The following MDGA2 variants were observed in gnomAD, a reference collection of about 807,000 sequenced individuals.
MDGA2 encodes MAM domain containing glycosylphosphatidylinositol anchor 2.
Under a neutral mutation model 117.8 loss-of-function variants are expected in MDGA2, and 40 were observed. The observed-to-expected ratio is 0.34, with a 90% CI of 0.26 to 0.44. MDGA2 has a LOEUF of 0.44. MDGA2 is among the 20% of genes least tolerant of loss of function. The pLI, the probability that MDGA2 is intolerant of heterozygous loss-of-function variation, is 1.00. For synonymous variants in MDGA2, 452 were observed against 439.0 expected (o/e 1.03, Z -0.37); for missense variants, 1,123 against 1,250.6 (o/e 0.90, Z 1.54).
At chr14:47,168,722 A>G (rs1180979280) in intron 3 of MDGA2, among the ~76,000 whole-genome samples, 2 of 152,100 alleles carry the variant, frequency 1.3e-5, no homozygotes, top group African/African-American at 4.8e-5. Context: ...AACTGCCTCA[A>G]AGTCAAATTA....
chr14:47,127,259 T>C (rs1350833512), intron 5 of MDGA2, among the ~76,000 whole-genome samples: 1 of 152,154 alleles, frequency 6.6e-6, no homozygotes, highest in African/African-American at 2.4e-5. Context: ...ACATTGATTA[T>C]AGCAATGGTA....
chr14:47,299,989 C>T (rs983436221), intron 2 of MDGA2, among the ~76,000 whole-genome samples: 3 of 152,118 alleles, frequency 2.0e-5, no homozygotes, highest in Non-Finnish European at 4.4e-5. Flanking sequence ...TTTTATTAAA[C>T]ATATTTTACC....
intron 8 of MDGA2, among the ~76,000 whole-genome samples, chr14:46,972,535 T>C (rs1478879457): frequency 6.6e-6 from 1 of 152,176 alleles, no homozygotes; most frequent in Admixed American, 6.6e-5. Flanking sequence ...GTGTAAAGTA[T>C]TATCACTATC....
intron 9 of MDGA2, among the ~76,000 whole-genome samples, chr14:46,953,446 G>A (rs1885442384): frequency 6.6e-6 from 1 of 151,950 alleles, no homozygotes; most frequent in East Asian, 1.9e-4. Context: ...CTGGAAGTTA[G>A]AAGGGCATTC....
chr14:47,532,990 G>C (rs1156569614), intron 1 of MDGA2, among the ~76,000 whole-genome samples: 1 of 152,170 alleles, frequency 6.6e-6, no homozygotes, highest in Non-Finnish European at 1.5e-5. Context: ...ATCAGCCCTA[G>C]TTCTCCAATC....
At chr14:47,485,150 T>C (rs529027623) in intron 1 of MDGA2, among the ~76,000 whole-genome samples, 1 of 152,246 alleles carries the variant, frequency 6.6e-6, no homozygotes, top group Admixed American at 6.5e-5. Flanking sequence ...CAGAGACTTG[T>C]TGAATGGCTT....
chr14:47,219,971 T>C (rs1221229030), intron 2 of MDGA2, among the ~76,000 whole-genome samples: 1 of 152,110 alleles, frequency 6.6e-6, no homozygotes, highest in African/African-American at 2.4e-5. Context: ...TTATTTATAC[T>C]TAATTTACTT....
At chr14:46,943,031 TC>T (rs926515903) in intron 9 of MDGA2, among the ~76,000 whole-genome samples, 1 of 152,096 alleles carries the variant, frequency 6.6e-6, no homozygotes, top group African/African-American at 2.4e-5. Context: ...AGTGTGTTAC[TC>T]CTTGTAGTAT....
rs138867271 is a variant in MDGA2, at chr14:47,210,895, A to T, written c.595+7126T>A. Among the ~76,000 whole-genome samples the T allele has an allele frequency of 5.7e-3, 864 of 152,264 alleles. 5 individuals are homozygous for T. Among genetic ancestry groups the T allele is most frequent in the Non-Finnish European group, 8.3e-3 (563 of 68,026 alleles). On this transcript the variant is annotated intron_variant, in intron 3 of 16. Coordinates refer to ENST00000399232, the MANE Select transcript of MDGA2 (RefSeq NM_001113498.3). Reference sequence around the variant, plus strand: ...GCTATTCAGGAGCCTGAGGGGGAGGATCCCTTGAGCCCAGGAGTCCAAGGT... The same window carrying T: ...GCTATTCAGGAGCCTGAGGGGGAGGTTCCCTTGAGCCCAGGAGTCCAAGGT...
At chr14:47,035,364 A>G in intron 7 of MDGA2, 60 bp from the exon 8 acceptor site, 1 of 1,347,542 alleles carries the variant, frequency 7.4e-7, no homozygotes, top group Non-Finnish European at 1.0e-6. Flanking sequence ...GCATATTCAG[A>G]TACAGAAAAT....
chr14:47,136,197 CTT>C (rs34818512), intron 4 of MDGA2, among the ~76,000 whole-genome samples: 27 of 131,016 alleles, frequency 2.1e-4, no homozygotes, highest in East Asian at 2.2e-4. Context: ...TGTTTTCTCT[CTT>C]TTTTTTTTTT....
chr14:46,900,491 T>A (rs1883243330), intron 10 of MDGA2, among the ~76,000 whole-genome samples: 1 of 152,122 alleles, frequency 6.6e-6, no homozygotes, highest in African/African-American at 2.4e-5. Context: ...TTAAACAAAC[T>A]GTAGGACACC....
intron 1 of MDGA2, among the ~76,000 whole-genome samples, chr14:47,647,824 A>G (rs1338296630): frequency 1.3e-5 from 2 of 152,072 alleles, no homozygotes; most frequent in East Asian, 3.8e-4. Flanking sequence ...CATCTTTGTC[A>G]TTTTTTCTGA....
chr14:46,855,284 T>C lies in MDGA2; in HGVS notation c.2753-130A>G, dbSNP rs747042727. 1 of 615,320 alleles carries C rather than the reference T, an allele frequency of 1.6e-6. No homozygotes were observed. The allele number at this position is 615,320 out of a possible 1,614,324, so 38.1% of individuals were successfully genotyped here. ...CACTCTAGTGTCTTGTCCTCTCTTC[T>C]CCTCTCATTTCCTATCTTGCTCTTA... On this transcript the variant is annotated intron_variant, in intron 14 of 16. Transcript: ENST00000399232. This position sits in a 1 kb window ranked among gnomAD's most constrained non-coding sequence, Gnocchi z 4.1.
Position 46,846,036 on chromosome 14 carries a change from A to C in MDGA2, c.2884-165T>G, listed in dbSNP as rs1880824361. Among the ~76,000 whole-genome samples, 7 of 152,282 alleles carry C rather than the reference A, an allele frequency of 4.6e-5. No homozygotes were observed. In the South Asian group the frequency reaches 1.2e-3, roughly 27 times the overall value. On this transcript the variant is annotated intron_variant, in intron 15 of 16. Coordinates refer to ENST00000399232, the MANE Select transcript of MDGA2 (RefSeq NM_001113498.3). ...TGCAGAAAACATAAACTTTCATCCC[A>C]AAACCAGTAATTGAATCTTCCTTGC...
chr14:46,931,923 A>G (rs1270491791), intron 9 of MDGA2, among the ~76,000 whole-genome samples: 2 of 136,216 alleles, frequency 1.5e-5, no homozygotes, highest in Admixed American at 8.1e-5. Context: ...TAAGTAAATA[A>G]AAATGACTGG....
intron 3 of MDGA2, among the ~76,000 whole-genome samples, chr14:47,151,251 A>G (rs144041060): frequency 6.6e-6 from 1 of 152,316 alleles, no homozygotes; most frequent in African/African-American, 2.4e-5. Context: ...AAGGCCTTTC[A>G]GAGTGGCCCT....
Position 47,076,716 on chromosome 14 carries a change from C to T in MDGA2, c.1196-15138G>A, listed in dbSNP as rs546881652. 2.6e-5 allele frequency among the ~76,000 whole-genome samples: 4 copies of T among 152,036 alleles called. No individual in the cohort carries two copies. In the South Asian group the frequency reaches 8.3e-4, roughly 32 times the overall value. On this transcript the variant is annotated intron_variant, in intron 6 of 16. Transcript: ENST00000399232. Reference sequence around the variant, plus strand: ...AACCATGCACCTTTATTTGGAAGTCCACATGAAACTTGGGAACAAACCAAT... The same window carrying T: ...AACCATGCACCTTTATTTGGAAGTCTACATGAAACTTGGGAACAAACCAAT...
intron 6 of MDGA2, among the ~76,000 whole-genome samples, chr14:47,084,133 G>T (rs1231888925): frequency 6.6e-6 from 1 of 152,142 alleles, no homozygotes; most frequent in African/African-American, 2.4e-5. Context: ...AAGTTCCCAT[G>T]GAACATAGGA....
Sources: allele counts gnomAD v4.1 joint callset (sites outside exome capture counted in the v4.1 genomes callset), GRCh38; gene constraint gnomAD v4.1.1; non-coding constraint Gnocchi (gnomAD v3.1); transcripts MANE v1.5; gene names NCBI Gene and HGNC (gene_info 2026-07-23, HGNC 2026-07-21).